CACNA1C: variants seen among roughly 807,000 people sequenced by gnomAD.
The protein encoded by CACNA1C is voltage-dependent L-type calcium channel subunit alpha-1C.
CACNA1C carries 30 observed loss-of-function variants against 229.0 expected under a neutral mutation model. The observed-to-expected ratio is 0.13, with a 90% CI of 0.10 to 0.18. The LOEUF (loss-of-function observed/expected upper bound fraction) is 0.18. Ranked by LOEUF, CACNA1C falls within the 10% of genes least tolerant of loss-of-function variation. The probability of loss-of-function intolerance (pLI) is 1.00; values close to 1 mark genes in which losing one functional copy is unlikely to be tolerated. For missense variants in CACNA1C, 1,658 were observed against 2,845.0 expected, an observed-to-expected ratio of 0.58 and a Z score of 9.49; for synonymous variants, 1,114 against 1,132.5, an observed-to-expected ratio of 0.98 and a Z score of 0.33.
At chr12:2,644,802 T>C (rs1253590955) in intron 30 of CACNA1C, among the ~76,000 whole-genome samples, 1 of 152,186 alleles carries the variant, frequency 6.6e-6, no homozygotes, top group Non-Finnish European at 1.5e-5. Context: ...AAAGACAGCT[T>C]TCCAGAGACC....
At chr12:2,431,165 A>G (rs747799621) in intron 3 of CACNA1C, among the ~76,000 whole-genome samples, 3 of 152,296 alleles carry the variant, frequency 2.0e-5, no homozygotes, top group South Asian at 4.1e-4. Context: ...CCTTGTTAGA[A>G]GTCAAGATCC....
chr12:2,497,675 A>G (rs908510452), intron 7 of CACNA1C, among the ~76,000 whole-genome samples: 2 of 152,184 alleles, frequency 1.3e-5, no homozygotes, highest in African/African-American at 4.8e-5. Flanking sequence ...TTGCCCCTGC[A>G]TTAGTTTCTC....
At chr12:2,690,467 T>C (rs1265741546) in intron 46 of CACNA1C, among the ~76,000 whole-genome samples, 1 of 152,178 alleles carries the variant, frequency 6.6e-6, no homozygotes, top group East Asian at 1.9e-4. Flanking sequence ...CTTGCTAAGA[T>C]CACAGGTGTG....
At chr12:2,114,150 T>A (rs1362952140) in intron 1 of CACNA1C, among the ~76,000 whole-genome samples, 15 of 152,242 alleles carry the variant, frequency 9.9e-5, no homozygotes, top group Admixed American at 2.6e-4. Context: ...ATTCAAAAAG[T>A]TACTGATTTG....
intron 29 of CACNA1C, among the ~76,000 whole-genome samples, chr12:2,618,757 G>A (rs1195432178): frequency 6.6e-6 from 1 of 152,248 alleles, no homozygotes; most frequent in Non-Finnish European, 1.5e-5. Context: ...AGGACCAGGA[G>A]AAGGAAGGGG....
Position 1,984,383 on chromosome 12 carries a change from T to C in CACNA1C, c.139+13182T>C, listed in dbSNP as rs190291818. ...ATTTTATCTCTTGGTGATATCTCTA[T>C]ATTTCTTTTTAGTGGTTGCTCTAAG... On this transcript the variant is annotated intron_variant, in intron 1 of 46. Transcript: ENST00000682462. 3.9e-4 allele frequency among the ~76,000 whole-genome samples: 59 copies of C among 152,246 alleles called. No homozygotes were observed. In the East Asian group the frequency reaches 0.011, roughly 29 times the overall value.
chr12:2,662,283 G>T (rs1217725976), intron 34 of CACNA1C, among the ~76,000 whole-genome samples: 4 of 150,264 alleles, frequency 2.7e-5, no homozygotes, highest in African/African-American at 2.4e-5. Flanking sequence ...CAAAGGATAA[G>T]AATTGGAGAG....
chr12:2,586,798 G>T (rs2062635056), intron 18 of CACNA1C, among the ~76,000 whole-genome samples: 2 of 152,206 alleles, frequency 1.3e-5, no homozygotes. Context: ...CAGACTCCCT[G>T]TGGTCACACC....
chr12:2,055,059 G>C (rs1374906384), intron 1 of CACNA1C, among the ~76,000 whole-genome samples: 1 of 152,258 alleles, frequency 6.6e-6, no homozygotes, highest in East Asian at 1.9e-4. Flanking sequence ...GTGGCAGCTT[G>C]GGGATTGTGG....
At chr12:2,271,396 G>A (rs188564791) in intron 3 of CACNA1C, among the ~76,000 whole-genome samples, 18 of 152,314 alleles carry the variant, frequency 1.2e-4, no homozygotes, top group African/African-American at 4.3e-4. Flanking sequence ...ATGAGGCAGT[G>A]TAGCTTAAGG....
chr12:1,980,252 T>C (rs1009201626), intron 1 of CACNA1C, among the ~76,000 whole-genome samples: 2 of 152,184 alleles, frequency 1.3e-5, no homozygotes, highest in Admixed American at 1.3e-4. Flanking sequence ...GACTGCAATA[T>C]AATGATGCAG....
intron 5 of CACNA1C, among the ~76,000 whole-genome samples, chr12:2,458,607 C>T (rs911830985): frequency 1.3e-5 from 2 of 152,306 alleles, no homozygotes; most frequent in East Asian, 3.9e-4. Context: ...ACATAGGAGA[C>T]CCCTCAGACT....
Position 2,577,937 on chromosome 12 carries a change from C to T in CACNA1C, c.1896-3653C>T, listed in dbSNP as rs564047176. Among the ~76,000 whole-genome samples the T allele has an allele frequency of 1.3e-3, 198 of 150,594 alleles. 2 individuals are homozygous for T. The highest frequency in any genetic ancestry group is 4.5e-3 in the African/African-American group (184 of 40,936). On this transcript the variant is annotated intron_variant, in intron 13 of 46. Coordinates refer to ENST00000399655, the MANE Select transcript of CACNA1C (RefSeq NM_000719.7). Reference sequence around the variant, plus strand: ...AGGCTGGAGTGCAGTGGCGCGATCTCGGCTCACTGCAAGCTCCGCCTCCCG... The same window carrying T: ...AGGCTGGAGTGCAGTGGCGCGATCTTGGCTCACTGCAAGCTCCGCCTCCCG...
At chr12:2,657,711 A>C (rs1341558048) in intron 34 of CACNA1C, among the ~76,000 whole-genome samples, 3 of 152,230 alleles carry the variant, frequency 2.0e-5, no homozygotes, top group Non-Finnish European at 4.4e-5. Context: ...TAAGAAATCT[A>C]GCTCTAGCCT....
intron 3 of CACNA1C, among the ~76,000 whole-genome samples, chr12:2,205,260 C>T (rs10774033): frequency 0.34 from 51,809 of 152,098 alleles, 9,319 homozygotes; most frequent in South Asian, 0.39. Context: ...GGAGGTGCAG[C>T]GTGACCTGAA....
intron 3 of CACNA1C, among the ~76,000 whole-genome samples, chr12:2,142,740 G>A (rs2094369849): frequency 6.6e-6 from 1 of 151,202 alleles, no homozygotes; most frequent in South Asian, 2.1e-4. Context: ...GTGGACATTT[G>A]TGTGTTAGTT....
chr12:2,286,192 G>T (rs116562666), intron 3 of CACNA1C, among the ~76,000 whole-genome samples: 417 of 152,316 alleles, frequency 2.7e-3, no homozygotes, highest in African/African-American at 9.5e-3. Flanking sequence ...AAAGAGCTTT[G>T]AAACAAGACT....
chr12:2,327,134 C>T (rs1281655249), intron 3 of CACNA1C, among the ~76,000 whole-genome samples: 1 of 152,106 alleles, frequency 6.6e-6, no homozygotes, highest in African/African-American at 2.4e-5. Context: ...AGACTGTTCA[C>T]CTCGGAGTTT....
At chr12:2,511,492 C>T (rs190773669) in intron 8 of CACNA1C, among the ~76,000 whole-genome samples, 9 of 152,298 alleles carry the variant, frequency 5.9e-5, no homozygotes, top group East Asian at 3.9e-4. Flanking sequence ...CCAGCAGCCT[C>T]GTGCCCTGAA....
Sources: gnomAD v4.1 joint callset for allele counts (sites outside exome capture counted in the v4.1 genomes callset) on GRCh38, gnomAD v4.1.1 for gene constraint, MANE v1.5 for transcripts, NCBI Gene and HGNC (gene_info 2026-07-23, HGNC 2026-07-21) for gene names.